Variants in MINDY4 observed in about 807,000 individuals in gnomAD.
MINDY4 encodes the protein probable ubiquitin carboxyl-terminal hydrolase MINDY-4.
A neutral mutation model predicts 87.0 loss-of-function variants in MINDY4; 68 were observed. The observed-to-expected ratio is 0.78, with a 90% CI of 0.64 to 0.96. MINDY4 has a LOEUF of 0.96. Ranked by LOEUF, MINDY4 falls within the 40% of genes least tolerant of loss-of-function variation. MINDY4 has a pLI of 0.00. For synonymous variants in MINDY4, 379 were observed against 363.2 expected, an observed-to-expected ratio of 1.04 and a Z score of -0.50; for missense variants, 919 against 928.2, an observed-to-expected ratio of 0.99 and a Z score of 0.13.
intron 10 of MINDY4, among the ~76,000 whole-genome samples, chr7:30,851,063 G>A (rs189348045): frequency 1.3e-5 from 2 of 152,276 alleles, no homozygotes; most frequent in Admixed American, 6.5e-5. Context: ...ATCCTGACCC[G>A]CATCGTCTCT....
intron 12 of MINDY4, among the ~76,000 whole-genome samples, chr7:30,855,437 G>A (rs1367339174): frequency 6.6e-6 from 1 of 152,206 alleles, no homozygotes; most frequent in Non-Finnish European, 1.5e-5. Flanking sequence ...TCTGGCCAGG[G>A]TGGCCAGGAA....
intron 7 of MINDY4, among the ~76,000 whole-genome samples, chr7:30,838,152 G>C (rs1365911154): frequency 6.6e-6 from 1 of 152,166 alleles, no homozygotes; most frequent in Non-Finnish European, 1.5e-5. Flanking sequence ...ATCATGAGGG[G>C]AGTGGGCGGG....
At chr7:30,773,893 C>G (rs1287857563) in intron 1 of MINDY4, among the ~76,000 whole-genome samples, 2 of 152,180 alleles carry the variant, frequency 1.3e-5, no homozygotes, top group Non-Finnish European at 2.9e-5. Flanking sequence ...ACCTCTCACC[C>G]ACCCATCCTT....
chr7:30,843,384 G>A (rs1198879439), intron 9 of MINDY4, among the ~76,000 whole-genome samples: 2 of 152,208 alleles, frequency 1.3e-5, no homozygotes, highest in East Asian at 3.9e-4. Context: ...CTTGGGTGCT[G>A]CCAGCTGCTT....
chr7:30,790,346 A>G (rs1787282939), intron 4 of MINDY4, among the ~76,000 whole-genome samples: 1 of 152,192 alleles, frequency 6.6e-6, no homozygotes, highest in African/African-American at 2.4e-5. Context: ...CAGCAACTCC[A>G]TGTATGAATA....
At chr7:30,886,318 T>C (rs1223049917) in intron 17 of MINDY4, among the ~76,000 whole-genome samples, 2 of 152,184 alleles carry the variant, frequency 1.3e-5, no homozygotes, top group Non-Finnish European at 2.9e-5. Flanking sequence ...GCTCCTGCTC[T>C]CAGAGAGTTT....
At chr7:30,823,953 T>A (rs1788418961) in intron 5 of MINDY4, among the ~76,000 whole-genome samples, 1 of 152,154 alleles carries the variant, frequency 6.6e-6, no homozygotes, top group Non-Finnish European at 1.5e-5. Flanking sequence ...TTGGGAAAAA[T>A]TTATGTTAAT....
At chr7:30,795,647 A>C (rs1787463909) in intron 5 of MINDY4, among the ~76,000 whole-genome samples, 1 of 152,202 alleles carries the variant, frequency 6.6e-6, no homozygotes, top group Non-Finnish European at 1.5e-5. Flanking sequence ...CTTGAGGACA[A>C]ACACAGATTG....
intron 4 of MINDY4, among the ~76,000 whole-genome samples, chr7:30,788,129 C>T (rs940967502): frequency 2.0e-5 from 3 of 152,102 alleles, no homozygotes; most frequent in African/African-American, 7.2e-5. Flanking sequence ...GCATTCAGTG[C>T]GTTGCAATAT....
chr7:30,850,503 C>G lies in MINDY4; in HGVS notation c.1495C>G (p.Leu499Val). ...CCGGACCCGCTGCCTCGTCCTGGCCCTCGCAGACATTGTGTGGCGGGCAGG... is the reference window on the plus strand; with the variant it reads ...CCGGACCCGCTGCCTCGTCCTGGCCGTCGCAGACATTGTGTGGCGGGCAGG... The part of the protein sequence containing the change: ...AHRTRCLVLA[L>V]ADIVWRAGGR... Residue 499 changes from leucine (L) to valine (V), a missense_variant, in exon 10 of 18, where the codon CTC becomes GTC. Transcript: ENST00000265299. 1 of 1,612,648 alleles carries G rather than the reference C, an allele frequency of 6.2e-7. No homozygotes were observed.
intron 5 of MINDY4, among the ~76,000 whole-genome samples, chr7:30,810,342 T>TGAA (rs1554279709): frequency 7.5e-6 from 1 of 133,032 alleles, no homozygotes; most frequent in Non-Finnish European, 1.6e-5. Flanking sequence ...GTAAAACTAT[T>TGAA]GAAAAAAAAA....
At chr7:30,828,569 C>A in intron 5 of MINDY4, 110 bp from the exon 6 acceptor site, 1 of 1,132,290 alleles carries the variant, frequency 8.8e-7, no homozygotes, top group Non-Finnish European at 1.3e-6. Context: ...AAGGCCAAGA[C>A]TAGAGAGACT....
In MINDY4 at chr7:30,836,745, T is replaced by C. The variant is rs752372079; in HGVS notation, c.1220T>C (p.Ile407Thr). Reference protein sequence around the residue: ...VLKLQTASKPIDLSVAKEIKT... With the variant: ...VLKLQTASKPTDLSVAKEIKT... ...AAGTTGCAGACAGCATCAAAACCAA[T>C]TGACCTCTCAGTAGCAAAGGTAAGT... is the stretch of plus-strand genomic sequence containing the variant. The change falls in exon 7 of 18, where the codon ATT (isoleucine) becomes ACT (threonine). Residue 407 changes from isoleucine to threonine, a missense_variant. Ile to Thr is a moderately conservative substitution (Grantham distance 89). Coordinates refer to ENST00000265299, the MANE Select transcript of MINDY4 (RefSeq NM_032222.3). 6.2e-7 allele frequency: 1 copy of C among 1,614,064 alleles called. No individual in the cohort carries two copies. The highest frequency in any genetic ancestry group is 8.5e-7 in the Non-Finnish European group (1 of 1,179,924).
At chr7:30,798,391 A>G (rs1007538097) in intron 5 of MINDY4, among the ~76,000 whole-genome samples, 5 of 152,188 alleles carry the variant, frequency 3.3e-5, no homozygotes, top group Non-Finnish European at 5.9e-5. Context: ...ATTTTGCTGA[A>G]CAACTGTAAG....
intron 5 of MINDY4, among the ~76,000 whole-genome samples, chr7:30,808,231 C>T (rs1015188919): frequency 6.6e-5 from 10 of 152,250 alleles, no homozygotes; most frequent in Middle Eastern, 3.4e-3. Context: ...ACTTGGAGTC[C>T]GGACATCTGA....
At chr7:30,837,591 G>A (rs977383890) in intron 7 of MINDY4, among the ~76,000 whole-genome samples, 1 of 151,988 alleles carries the variant, frequency 6.6e-6, no homozygotes, top group Non-Finnish European at 1.5e-5. Context: ...AGCTACAGAG[G>A]GTCAGATACA....
intron 9 of MINDY4, among the ~76,000 whole-genome samples, chr7:30,847,778 C>T (rs558780165): frequency 9.1e-4 from 139 of 152,284 alleles, no homozygotes; most frequent in African/African-American, 3.2e-3. Context: ...ATCACTCTGT[C>T]ACCTAGGCTA....
At chr7:30,887,090 A>G (rs371985778) in intron 17 of MINDY4, among the ~76,000 whole-genome samples, 1 of 152,164 alleles carries the variant, frequency 6.6e-6, no homozygotes, top group East Asian at 1.9e-4. Flanking sequence ...CCAGCTGGGT[A>G]TGATGCCTTC....
intron 5 of MINDY4, among the ~76,000 whole-genome samples, chr7:30,818,001 G>T (rs752768388): frequency 2.0e-5 from 3 of 152,104 alleles, no homozygotes; most frequent in African/African-American, 7.2e-5. Flanking sequence ...GGTATGTGTG[G>T]GATGCTGGAC....
Sources: gnomAD v4.1 joint callset for allele counts (sites outside exome capture counted in the v4.1 genomes callset) on GRCh38, gnomAD v4.1.1 for gene constraint, MANE v1.5 for transcripts, NCBI Gene and HGNC (gene_info 2026-07-23, HGNC 2026-07-21) for gene names.